Variants in PIAS2 observed in about 807,000 individuals in gnomAD.
PIAS2 encodes E3 SUMO-protein ligase PIAS2.
Under a neutral mutation model 69.7 loss-of-function variants are expected in PIAS2, and 19 were observed. That is an observed-to-expected ratio of 0.27 (90% CI 0.19 to 0.40). The LOEUF (loss-of-function observed/expected upper bound fraction) is 0.40, where lower values mean the gene tolerates loss of function less well. PIAS2 is among the 10% of genes least tolerant of loss of function. The pLI, the probability that PIAS2 is intolerant of heterozygous loss-of-function variation, is 1.00. For synonymous variants in PIAS2, 261 were observed against 263.2 expected (o/e 0.99, Z 0.08); for missense variants, 624 against 757.0 (o/e 0.82, Z 2.06).
In PIAS2 at chr18:46,898,472, T is replaced by C. The variant is rs1394766905; in HGVS notation, c.25-7418A>G. On this transcript the variant is annotated intron_variant, in intron 1 of 13. Transcript: ENST00000585916. ...CAATATAAATTTTTTAAAAGTAACA[T>C]TTACTATTTACAAATGACAAGACTC... 4.6e-5 allele frequency among the ~76,000 whole-genome samples: 7 copies of C among 152,260 alleles called. No individual in the cohort carries two copies. In the East Asian group the frequency reaches 1.2e-3, roughly 25 times the overall value.
At chr18:46,870,478 T>A (rs2050168475) in intron 2 of PIAS2, among the ~76,000 whole-genome samples, 1 of 151,370 alleles carries the variant, frequency 6.6e-6, no homozygotes. Flanking sequence ...TAGCCAGACG[T>A]GGTGACGGGC....
At chr18:46,825,935 AAT>A (rs1008749519) in intron 11 of PIAS2, among the ~76,000 whole-genome samples, 4 of 152,236 alleles carry the variant, frequency 2.6e-5, no homozygotes, top group Non-Finnish European at 4.4e-5. Flanking sequence ...ATGTCATTTT[AAT>A]ATATAATTAA....
chr18:46,899,841 A>C (rs2055517021), intron 1 of PIAS2, among the ~76,000 whole-genome samples: 1 of 102,434 alleles, frequency 9.8e-6, no homozygotes, highest in African/African-American at 5.6e-5. Context: ...ACAAACCTTT[A>C]CTATATGAAG....
chr18:46,844,142 G>A lies in PIAS2; in HGVS notation c.968-15C>T, dbSNP rs1411781320. 1.0e-3 allele frequency: 1,019 copies of A among 984,070 alleles called. No homozygotes were observed. The highest frequency in any genetic ancestry group is 2.4e-3 in the South Asian group (111 of 46,110). 61.0% of individuals were successfully genotyped at this position (984,070 alleles called of 1,614,324 possible). ...TTTTTCTTTAACTTTAAAAAGAAGA[G>A]AAAAAAAAAAATTTAAAAAAATTAA... On this transcript the variant is annotated splice_polypyrimidine_tract_variant and intron_variant, in intron 7 of 13. Transcript: ENST00000585916.
At chr18:46,855,685 G>GA in intron 3 of PIAS2, 70 bp from the exon 4 acceptor site, 1 of 1,106,420 alleles carries the variant, frequency 9.0e-7, no homozygotes, top group Non-Finnish European at 1.4e-6. Flanking sequence ...TCCCCAGGAG[G>GA]AAAAAAAGGA....
rs185301271 is a variant in PIAS2, at chr18:46,867,952, A to C, written c.500-3704T>G. Among the ~76,000 whole-genome samples the C allele has an allele frequency of 1.5e-4, 23 of 152,348 alleles. 1 individual carries two copies. Among genetic ancestry groups the C allele is most frequent in the Admixed American group, 1.2e-3 (19 of 15,310 alleles). On this transcript the variant is annotated intron_variant, in intron 2 of 13. Transcript: ENST00000585916. Reference sequence around the variant, plus strand: ...AGCTCTCATGCTATAAAGAAGCCCAAATTAGACCACATGAAGAAGCCACAT... The same window carrying C: ...AGCTCTCATGCTATAAAGAAGCCCACATTAGACCACATGAAGAAGCCACAT...
intron 11 of PIAS2, among the ~76,000 whole-genome samples, chr18:46,822,606 T>C (rs915208347): frequency 6.6e-6 from 1 of 152,154 alleles, no homozygotes; most frequent in African/African-American, 2.4e-5. Flanking sequence ...AAATAAGTTA[T>C]ATTGTATCTA....
At chr18:46,874,097 G>A (rs1222220633) in intron 2 of PIAS2, among the ~76,000 whole-genome samples, 1 of 152,176 alleles carries the variant, frequency 6.6e-6, no homozygotes, top group Non-Finnish European at 1.5e-5. Context: ...GTCTCCAGAT[G>A]TAGAGGAATT....
chr18:46,917,394 G>T lies in PIAS2; in HGVS notation c.-49C>A. ...CGCCGCTGCCGCCGCACCCACTCCC[G>T]CTGCCGCCAACGACGCTGCCGCCAC... On this transcript the variant is annotated 5_prime_UTR_variant, in exon 1 of 14. Transcript: ENST00000585916. The T allele has an allele frequency of 7.0e-7, 1 of 1,434,176 alleles. No individual in the cohort carries two copies. The allele number at this position is 1,434,176 out of a possible 1,614,324, so 88.8% of individuals were successfully genotyped here. A position where few individuals can be genotyped will look rare whatever the true frequency, so the allele number is the denominator to read the frequency against.
intron 2 of PIAS2, among the ~76,000 whole-genome samples, chr18:46,874,328 T>C (rs964036486): frequency 1.3e-5 from 2 of 152,164 alleles, no homozygotes; most frequent in Non-Finnish European, 2.9e-5. Context: ...CCTTTTCAAG[T>C]GCAGCCACCA....
rs2040759723 is a variant in PIAS2 at position 46,807,385 on chromosome 18, T to TATATA, written c.*5047_*5048insTATAT. The TATATA allele has an allele frequency of 4.7e-5, 1 of 21,312 alleles. No individual in the cohort carries two copies. Among genetic ancestry groups the TATATA allele is most frequent in the Non-Finnish European group, 1.1e-4 (1 of 9,120 alleles). 1.3% of individuals were successfully genotyped at this position (21,312 alleles called of 1,614,324 possible). A position where few individuals can be genotyped will look rare whatever the true frequency, so the allele number is the denominator to read the frequency against. ...TATATATATATATATATATATATAT[T>TATATA]TTTTTTTTTTTTTTTTTTTTTTTTT... On this transcript the variant is annotated 3_prime_UTR_variant, in exon 14 of 14. Coordinates refer to ENST00000585916, the MANE Select transcript of PIAS2 (RefSeq NM_004671.5).
At chr18:46,813,496 G>C (rs1222242805) in intron 13 of PIAS2, among the ~76,000 whole-genome samples, 2 of 152,164 alleles carry the variant, frequency 1.3e-5, no homozygotes, top group East Asian at 3.8e-4. Context: ...AGTAAAACAA[G>C]AGGTCTAGTG....
Position 46,861,622 on chromosome 18 carries a change from G to T in PIAS2, c.584+2542C>A, listed in dbSNP as rs1390652367. 2.0e-5 allele frequency among the ~76,000 whole-genome samples: 3 copies of T among 152,278 alleles called. No individual in the cohort carries two copies. In the East Asian group the frequency reaches 5.8e-4, roughly 29 times the overall value. ...GTACCCTGAGAAGGGCACATAACTT[G>T]AGGTATTCTTGCCAAAAATGCACAA... On this transcript the variant is annotated intron_variant, in intron 3 of 13. Coordinates refer to ENST00000585916, the MANE Select transcript of PIAS2 (RefSeq NM_004671.5).
intron 12 of PIAS2, among the ~76,000 whole-genome samples, chr18:46,819,383 C>T (rs1486109632): frequency 6.6e-6 from 1 of 152,076 alleles, no homozygotes. Context: ...GCTGGGTCTA[C>T]AAAGAACTTC....
chr18:46,890,467 G>T (rs556331440), intron 2 of PIAS2, 113 bp downstream of exon 2: 2 of 660,724 alleles, frequency 3.0e-6, no homozygotes, highest in South Asian at 2.6e-5. Context: ...TCAAACATTC[G>T]GCATTGATGC....
At chr18:46,897,037 C>T (rs138975253) in intron 1 of PIAS2, among the ~76,000 whole-genome samples, 5 of 151,980 alleles carry the variant, frequency 3.3e-5, no homozygotes, top group Non-Finnish European at 5.9e-5. Flanking sequence ...ACTGGGGACA[C>T]GAAGAATTTT....
intron 2 of PIAS2, among the ~76,000 whole-genome samples, chr18:46,865,084 T>C (rs1385957639): frequency 6.6e-6 from 1 of 152,186 alleles, no homozygotes; most frequent in Admixed American, 6.5e-5. Flanking sequence ...CCCTTATGTA[T>C]ATTATTACCT....
At position 46,821,082 on chromosome 18, in the gene PIAS2, A is replaced by G. The variant is rs774357769; in HGVS notation, c.1509-10T>C. ...CTGATACATGAGAACCCTGTTTTAA[A>G]TAGCACGGGAAATTACAAACAATCT... is the stretch of plus-strand genomic sequence containing the variant. On this transcript the variant is annotated splice_polypyrimidine_tract_variant and intron_variant, in intron 11 of 13. Transcript: ENST00000585916. 3.1e-6 allele frequency: 5 copies of G among 1,612,790 alleles called. No individual in the cohort carries two copies. The South Asian group carries it at 5.5e-5, about 18-fold the overall frequency.
intron 2 of PIAS2, among the ~76,000 whole-genome samples, chr18:46,876,695 T>A (rs2051251650): frequency 8.0e-6 from 1 of 124,348 alleles, no homozygotes; most frequent in Non-Finnish European, 1.7e-5. Context: ...ATCCCTTTAC[T>A]AATTTTTTTT....
Sources: allele counts gnomAD v4.1 joint callset (sites outside exome capture counted in the v4.1 genomes callset), GRCh38; gene constraint gnomAD v4.1.1; transcripts MANE v1.5; gene names NCBI Gene and HGNC (gene_info 2026-07-23, HGNC 2026-07-21).